Variants in TRRAP observed in about 807,000 individuals in gnomAD.
TRRAP encodes the protein transformation/transcription domain associated protein, also known as transformation/transcription domain-associated protein.
TRRAP carries 41 observed loss-of-function variants against 438.8 expected under a neutral mutation model. The observed-to-expected ratio is 0.09, with a 90% CI of 0.07 to 0.12. The LOEUF is 0.12. Among genes scored for constraint, TRRAP ranks in the 10% least tolerant of loss-of-function variants. The pLI is 1.00. For synonymous variants in TRRAP, 1,994 were observed against 1,962.9 expected, an observed-to-expected ratio of 1.02 and a Z score of -0.42; for missense variants, 3,122 against 5,055.1, an observed-to-expected ratio of 0.62 and a Z score of 11.60.
chr7:98,970,543 G>C (rs1213147816), intron 52 of TRRAP, among the ~76,000 whole-genome samples: 4 of 152,294 alleles, frequency 2.6e-5, no homozygotes, highest in Middle Eastern at 3.4e-3. Flanking sequence ...CATGAACAAG[G>C]TATAAAAACC....
At chr7:98,881,740 C>A in intron 2 of TRRAP, 1 of 462,152 alleles carries the variant, frequency 2.2e-6, no homozygotes, top group Non-Finnish European at 3.8e-6. Flanking sequence ...CAAAGAGGCA[C>A]GTGTGTGTGT....
chr7:99,001,636 G>A (rs1205508512), intron 67 of TRRAP, among the ~76,000 whole-genome samples: 1 of 152,192 alleles, frequency 6.6e-6, no homozygotes, highest in Non-Finnish European at 1.5e-5. Flanking sequence ...CACAGCCAGA[G>A]CTCATCCACC....
Position 98,950,154 on chromosome 7 carries a change from T to C in TRRAP, c.5226T>C (p.Tyr1742=), listed in dbSNP as rs1159217352. The C allele has an allele frequency of 1.2e-6, 2 of 1,614,068 alleles. No individual in the cohort carries two copies. The highest frequency in any genetic ancestry group is 2.7e-5 in the African/African-American group (2 of 74,916). Residue 1742 remains tyrosine (Y), a synonymous_variant, in exon 38 of 73, where the codon TAT becomes TAC. Transcript: ENST00000456197. Reference sequence around the variant, plus strand: ...GCAACATGACATTCTTAAAAGAGTATATGGAGGAAGAGATTCCCAAAAATT... The same window carrying C: ...GCAACATGACATTCTTAAAAGAGTACATGGAGGAAGAGATTCCCAAAAATT... ...FLCNMTFLKE[Y]MEEEIPKNYS...
intron 2 of TRRAP, 125 bp downstream of exon 2, chr7:98,881,375 C>T (rs1243405531): frequency 1.3e-6 from 1 of 784,620 alleles, no homozygotes; most frequent in Non-Finnish European, 1.9e-6. Flanking sequence ...GAGTTTGGGA[C>T]TAGCCTGGCC....
rs1794477026 is a variant in TRRAP at position 99,012,603 on chromosome 7, A to G, written c.*248A>G. 3.8e-6 allele frequency: 2 copies of G among 528,412 alleles called. No homozygotes were observed. The highest frequency in any genetic ancestry group is 3.3e-6 in the Non-Finnish European group (1 of 305,562). The allele number at this position is 528,412 out of a possible 1,614,324, so 32.7% of individuals were successfully genotyped here. On this transcript the variant is annotated 3_prime_UTR_variant, in exon 73 of 73. Coordinates refer to ENST00000456197, the MANE Select transcript of TRRAP (RefSeq NM_001375524.1). The surrounding 1 kb of genome is among the most constrained non-coding windows in gnomAD (Gnocchi z 5.9). ...CTGAAACTTATTCCAAGCTTTCAAAATAATCTTTTAAGAAGCCAGGATTCT... is the reference window on the plus strand; with the variant it reads ...CTGAAACTTATTCCAAGCTTTCAAAGTAATCTTTTAAGAAGCCAGGATTCT...
chr7:99,008,489 T>C lies in TRRAP; in HGVS notation c.10866T>C (p.His3622=). ...GCTGCGCCAAGAAGGGCATCGAGCA[T>C]GACAACCCCATCTCCCGTTACTATG... is the stretch of plus-strand genomic sequence containing the variant. ...KQRCAKKGIE[H]DNPISRYYDR... The change falls in exon 70 of 73, where the codon CAT becomes CAC. Residue 3622 remains histidine, a synonymous_variant. Transcript: ENST00000456197. 6.2e-7 allele frequency: 1 copy of C among 1,614,188 alleles called. No individual in the cohort carries two copies. Among genetic ancestry groups the C allele is most frequent in the Non-Finnish European group, 8.5e-7 (1 of 1,180,032 alleles).
chr7:98,961,376 G>T lies in TRRAP; in HGVS notation c.6605G>T (p.Arg2202Leu). The T allele has an allele frequency of 2.5e-6, 4 of 1,614,216 alleles. No individual in the cohort carries two copies. The highest frequency in any genetic ancestry group is 3.4e-6 in the Non-Finnish European group (4 of 1,180,036). The change falls in exon 46 of 73, where the codon CGT (arginine) becomes CTT (leucine). Residue 2202 changes from arginine (R) to leucine (L), a missense_variant. Arg to Leu is a moderately radical substitution (Grantham distance 102, BLOSUM62 -2). Coordinates refer to ENST00000456197, the MANE Select transcript of TRRAP (RefSeq NM_001375524.1). ...CTCAGTAGCTTCAAACCTCTGCAGC[G>T]TGGAATTGCCGCCTGCATGACATGT... ...AILSSFKPLQRGIAACMTCGN... is the reference protein window; with the variant it reads ...AILSSFKPLQLGIAACMTCGN...
At position 98,911,263 on chromosome 7, in the gene TRRAP, G is replaced by T; in HGVS notation, c.1999G>T (p.Ala667Ser). Residue 667 changes from alanine to serine, a missense_variant, in exon 17 of 73, where the codon GCT becomes TCT. Coordinates refer to ENST00000456197, the MANE Select transcript of TRRAP (RefSeq NM_001375524.1). Reference protein sequence around the residue: ...YMVERISKNYALQIVANSFLA... With the variant: ...YMVERISKNYSLQIVANSFLA... ...GGTGGAGAGAATCTCAAAAAATTAT[G>T]CTCTTCAGGTATAAAACTCCTTTTT... is the stretch of plus-strand genomic sequence containing the variant. 1 of 1,609,870 alleles carries T rather than the reference G, an allele frequency of 6.2e-7. No homozygotes were observed.
At chr7:98,996,822 T>C (rs962349731) in intron 67 of TRRAP, among the ~76,000 whole-genome samples, 1 of 152,170 alleles carries the variant, frequency 6.6e-6, no homozygotes. Flanking sequence ...TTTAAAAATG[T>C]GATTAGTTGC....
chr7:98,913,175 C>T (rs539424625), intron 18 of TRRAP, among the ~76,000 whole-genome samples: 1 of 152,178 alleles, frequency 6.6e-6, no homozygotes, highest in Non-Finnish European at 1.5e-5. Context: ...TTGCTACTTG[C>T]AGTCTTGGGG....
chr7:98,895,662 A>G, intron 6 of TRRAP, 102 bp from the exon 7 acceptor site: 1 of 946,110 alleles, frequency 1.1e-6, no homozygotes, highest in Non-Finnish European at 1.5e-6. Flanking sequence ...TACCTCTCTT[A>G]TGAGTTCTTA....
chr7:98,948,761 C>G lies in TRRAP; in HGVS notation c.4788+76C>G. The G allele has an allele frequency of 6.2e-7, 1 of 1,602,470 alleles. No homozygotes were observed. The highest frequency in any genetic ancestry group is 1.3e-5 in the African/African-American group (1 of 74,866). On this transcript the variant is annotated intron_variant, in intron 35 of 72. Transcript: ENST00000456197. This position sits in a 1 kb window ranked among gnomAD's most constrained non-coding sequence, Gnocchi z 4.9. ...CTGTCGTGCTCTGAAATGTTCAGTT[C>G]ATATTTCACTATTCAGTGTCCTGGC... is the stretch of plus-strand genomic sequence containing the variant.
chr7:98,931,524 T>C lies in TRRAP; in HGVS notation c.3711T>C (p.Ser1237=), dbSNP rs1554412893. 4 of 1,614,176 alleles carry C rather than the reference T, an allele frequency of 2.5e-6. No homozygotes were observed. The highest frequency in any genetic ancestry group is 3.4e-6 in the Non-Finnish European group (4 of 1,180,012). The stretch of plus-strand genomic sequence containing the variant: ...AGATCGTGGCCGCCCAGGAAAAGTC[T>C]TTCCACCATGTGACACACGACTTGG... The part of the protein sequence containing the change: ...AEEIVAAQEK[S]FHHVTHDLVR... Residue 1237 remains serine, a synonymous_variant, in exon 26 of 73, where the codon TCT becomes TCC. Transcript: ENST00000456197.
intron 5 of TRRAP, 38 bp from the exon 6 acceptor site, chr7:98,893,760 C>G (rs1554405298): frequency 1.3e-6 from 2 of 1,583,272 alleles, no homozygotes; most frequent in Non-Finnish European, 1.7e-6. Flanking sequence ...TAAAGTGAGT[C>G]TTCAGAAGTA....
chr7:98,962,556 G>A, intron 47 of TRRAP, 129 bp downstream of exon 47: 1 of 1,539,422 alleles, frequency 6.5e-7, no homozygotes, highest in Non-Finnish European at 8.8e-7. Context: ...CGTTGTTCAG[G>A]TGTCTGTTGC....
intron 62 of TRRAP, 131 bp from the exon 63 acceptor site, chr7:98,988,634 G>C: frequency 9.6e-7 from 1 of 1,046,770 alleles, no homozygotes. Context: ...GACTGCTTAT[G>C]GGGCGGTTGC....
chr7:98,963,454 A>G (rs1792008440), intron 47 of TRRAP, among the ~76,000 whole-genome samples: 3 of 152,164 alleles, frequency 2.0e-5, no homozygotes, highest in African/African-American at 4.8e-5. Context: ...GGCTGACCTC[A>G]TGGGCCCTGC....
At position 98,991,996 on chromosome 7, in the gene TRRAP, T is replaced by C; in HGVS notation, c.9757-141T>C. The stretch of plus-strand genomic sequence containing the variant: ...AACCTGGCCTTGTGCGTCAGATCAG[T>C]GCTGCAGTATTTGCTTCCTTGGTCC... On this transcript the variant is annotated intron_variant, in intron 64 of 72. Coordinates refer to ENST00000456197, the MANE Select transcript of TRRAP (RefSeq NM_001375524.1). 9.3e-6 allele frequency: 8 copies of C among 856,384 alleles called. No individual in the cohort carries two copies. In the South Asian group the frequency reaches 1.2e-4, roughly 13 times the overall value. 53.0% of individuals were successfully genotyped at this position (856,384 alleles called of 1,614,324 possible). A position where few individuals can be genotyped will look rare whatever the true frequency, so the allele number is the denominator to read the frequency against.
At chr7:98,920,317 T>C (rs1306141001) in intron 20 of TRRAP, among the ~76,000 whole-genome samples, 1 of 151,936 alleles carries the variant, frequency 6.6e-6, no homozygotes, top group Non-Finnish European at 1.5e-5. Flanking sequence ...CTAAAAAAAA[T>C]TAGCTGGGCA....
Sources: gnomAD v4.1 joint callset for allele counts (sites outside exome capture counted in the v4.1 genomes callset) on GRCh38, gnomAD v4.1.1 for gene constraint, Gnocchi (gnomAD v3.1) non-coding constraint, MANE v1.5 for transcripts, NCBI Gene and HGNC (gene_info 2026-07-23, HGNC 2026-07-21) for gene names.